Variants in FAM149A observed in about 807,000 individuals in gnomAD.
FAM149A encodes protein FAM149A.
A neutral mutation model predicts 78.2 loss-of-function variants in FAM149A; 71 were observed. The observed-to-expected ratio is 0.91, with a 90% CI of 0.75 to 1.11. The LOEUF is 1.11. FAM149A is among the 50% of genes least tolerant of loss of function. The pLI, the probability that FAM149A is intolerant of heterozygous loss-of-function variation, is 0.00. For synonymous variants in FAM149A, 446 were observed against 410.5 expected (o/e 1.09, Z -1.04); for missense variants, 1,036 against 971.0 (o/e 1.07, Z -0.89).
intron 13 of FAM149A, among the ~76,000 whole-genome samples, chr4:186,168,911 T>C (rs971696145): frequency 6.6e-5 from 10 of 152,114 alleles, no homozygotes; most frequent in African/African-American, 2.4e-4. Context: ...GTGCCGAGGC[T>C]TCCTAGAGGA....
rs1435893277 is a variant in FAM149A, at chr4:186,144,894, C to T, written c.567-4279C>T. 10 of 973,606 alleles carry T rather than the reference C, an allele frequency of 1.0e-5. No individual in the cohort carries two copies. Among genetic ancestry groups the T allele is most frequent in the Non-Finnish European group, 1.1e-5 (9 of 823,536 alleles). The allele number at this position is 973,606 out of a possible 1,614,324, so 60.3% of individuals were successfully genotyped here. ...GCGAGCCCCGCGGACCCCGGGCGCGCCCGGGCCGCCTGAGCTGGGCCAGCC... is the reference window on the plus strand; with the variant it reads ...GCGAGCCCCGCGGACCCCGGGCGCGTCCGGGCCGCCTGAGCTGGGCCAGCC... On this transcript the variant is annotated intron_variant, in intron 1 of 13. Coordinates refer to ENST00000389354, the MANE Select transcript of FAM149A (RefSeq NM_001367768.3). This position sits in a 1 kb window ranked among gnomAD's most constrained non-coding sequence, Gnocchi z 4.2.
chr4:186,149,683 C>T lies in FAM149A; in HGVS notation c.768C>T (p.Ser256=), dbSNP rs538446906. The change falls in exon 3 of 14, where the codon TCC becomes TCT. Residue 256 remains serine, a synonymous_variant. Transcript: ENST00000389354. ...CCGGCTCATCCACGGAGAGGGGCTC[C>T]GTTTATTCCTGGAGAGATGACGTAT... 14 of 1,288,234 alleles carry T rather than the reference C, an allele frequency of 1.1e-5. No individual in the cohort carries two copies. The highest frequency in any genetic ancestry group is 1.1e-4 in the African/African-American group (7 of 65,862). The allele number at this position is 1,288,234 out of a possible 1,614,324, so 79.8% of individuals were successfully genotyped here. A position where few individuals can be genotyped will look rare whatever the true frequency, so the allele number is the denominator to read the frequency against.
At chr4:186,151,465 C>G (rs1357828268) in intron 3 of FAM149A, among the ~76,000 whole-genome samples, 5 of 151,888 alleles carry the variant, frequency 3.3e-5, no homozygotes, top group African/African-American at 1.2e-4. Flanking sequence ...ATTTTCTTTT[C>G]TGTGGTATCA....
chr4:186,123,708 G>T, intron 1 of FAM149A: 1 of 410,560 alleles, frequency 2.4e-6, no homozygotes, highest in African/African-American at 2.1e-5. Flanking sequence ...AAGTAAGAAA[G>T]TCTTTCATCT....
chr4:186,122,929 T>A (rs2099316706), intron 1 of FAM149A: 1 of 204,320 alleles, frequency 4.9e-6, no homozygotes, highest in East Asian at 1.9e-4. Context: ...CATCTGGTAA[T>A]GGTGACTTTC....
intron 1 of FAM149A, among the ~76,000 whole-genome samples, chr4:186,118,931 A>G (rs1561387035): frequency 6.6e-6 from 1 of 152,180 alleles, no homozygotes; most frequent in Non-Finnish European, 1.5e-5. Flanking sequence ...AACAATGAGG[A>G]GTAGAGTCTA....
At chr4:186,146,331 C>A in intron 1 of FAM149A, 1 of 277,378 alleles carries the variant, frequency 3.6e-6, no homozygotes, top group Non-Finnish European at 5.5e-6. Flanking sequence ...TTTAAGGCAC[C>A]TAATTCGTAA....
At chr4:186,169,462 G>T (rs1463609190) in intron 13 of FAM149A, 1 of 982,770 alleles carries the variant, frequency 1.0e-6, no homozygotes, top group Non-Finnish European at 1.2e-6. Flanking sequence ...GGGAGCGGGA[G>T]GCCTAAGTCT....
At chr4:186,169,275 T>TC in intron 13 of FAM149A, 2 of 985,382 alleles carry the variant, frequency 2.0e-6, no homozygotes, top group Non-Finnish European at 2.4e-6. Flanking sequence ...ACAGACAACT[T>TC]ACAAAACACA....
At chr4:186,117,810 C>T (rs1474007042) in intron 1 of FAM149A, 1 of 839,504 alleles carries the variant, frequency 1.2e-6, no homozygotes, top group Admixed American at 6.2e-5. Context: ...GAATAAACGC[C>T]TGAGAGGTAT....
chr4:186,153,599 C>G (rs771085685), intron 4 of FAM149A, 46 bp from the exon 5 acceptor site: 1 of 1,591,360 alleles, frequency 6.3e-7, no homozygotes, highest in South Asian at 1.1e-5. Flanking sequence ...AAACATTTTC[C>G]CTTTGTCTGA....
At chr4:186,156,946 G>A (rs913747866) in intron 7 of FAM149A, among the ~76,000 whole-genome samples, 1 of 112,400 alleles carries the variant, frequency 8.9e-6, no homozygotes, top group Non-Finnish European at 2.1e-5. Flanking sequence ...GCAACAAAGC[G>A]AGACCATCTC....
chr4:186,167,509 CTCAA>C (rs1735153679), intron 13 of FAM149A: 5 of 272,512 alleles, frequency 1.8e-5, no homozygotes, highest in East Asian at 1.3e-4. Context: ...GGGGGCCTCA[CTCAA>C]AAAAAAAAAA....
chr4:186,110,279 T>C (rs1227694478), intron 1 of FAM149A: 1 of 985,316 alleles, frequency 1.0e-6, no homozygotes, highest in East Asian at 1.1e-4. Context: ...CTTAGGTCTT[T>C]TTGTTTCATC....
chr4:186,138,667 C>T (rs1393268330), intron 1 of FAM149A, among the ~76,000 whole-genome samples: 1 of 152,102 alleles, frequency 6.6e-6, no homozygotes, highest in Non-Finnish European at 1.5e-5. Flanking sequence ...TGTAGAAGGC[C>T]GCTCCGCTGG....
At position 186,105,139 on chromosome 4, in the gene FAM149A, G is replaced by GC; in HGVS notation, c.69dup (p.Ala24ArgfsTer77). On this transcript the variant is annotated frameshift_variant, in exon 1 of 14. Coordinates refer to ENST00000389354, the MANE Select transcript of FAM149A (RefSeq NM_001367768.3). LOFTEE classifies it high-confidence loss of function. ...CCAAACTCTTCGAGACCTCGACGGC[G>GC]CCCCCCGCAGGCCCCTCCTCCAGAC... is the stretch of plus-strand genomic sequence containing the variant. 3.1e-6 allele frequency: 4 copies of GC among 1,279,964 alleles called. No homozygotes were observed. Among genetic ancestry groups the GC allele is most frequent in the East Asian group, 6.1e-5 (1 of 16,424 alleles). The allele number at this position is 1,279,964 out of a possible 1,614,324, so 79.3% of individuals were successfully genotyped here. A position where few individuals can be genotyped will look rare whatever the true frequency, so the allele number is the denominator to read the frequency against.
chr4:186,124,910 TC>T (rs1186248186), intron 1 of FAM149A, among the ~76,000 whole-genome samples: 2 of 152,112 alleles, frequency 1.3e-5, no homozygotes, highest in African/African-American at 4.8e-5. Flanking sequence ...TTTCTCCACA[TC>T]CTCTCCAGCA....
rs1233491185 is a variant in FAM149A, at chr4:186,109,333, G to C, written c.566+3691G>C. 2.0e-5 allele frequency: 13 copies of C among 647,600 alleles called. No homozygotes were observed. In the East Asian group the frequency reaches 1.5e-3, roughly 76 times the overall value. The allele number at this position is 647,600 out of a possible 1,614,324, so 40.1% of individuals were successfully genotyped here. A position where few individuals can be genotyped will look rare whatever the true frequency, so the allele number is the denominator to read the frequency against. ...ACTCTTTTTTTTTTTGAGTGATTGAGTTCCATTGTTAAAATCACATTACTG... is the reference window on the plus strand; with the variant it reads ...ACTCTTTTTTTTTTTGAGTGATTGACTTCCATTGTTAAAATCACATTACTG... On this transcript the variant is annotated intron_variant, in intron 1 of 13. Coordinates refer to ENST00000389354, the MANE Select transcript of FAM149A (RefSeq NM_001367768.3).
chr4:186,160,036 CACAA>C (rs1734417324), intron 8 of FAM149A, among the ~76,000 whole-genome samples: 2 of 105,896 alleles, frequency 1.9e-5, no homozygotes, highest in African/African-American at 3.4e-5. Flanking sequence ...ACACACCCCA[CACAA>C]ACACACCACA....
Sources: allele counts gnomAD v4.1 joint callset (sites outside exome capture counted in the v4.1 genomes callset), GRCh38; gene constraint gnomAD v4.1.1; non-coding constraint Gnocchi (gnomAD v3.1); transcripts MANE v1.5; gene names NCBI Gene and HGNC (gene_info 2026-07-23, HGNC 2026-07-21).